HIVEP3: variants seen among roughly 807,000 people sequenced by gnomAD.
The protein encoded by HIVEP3 is HIVEP zinc finger 3, also known as transcription factor HIVEP3.
A neutral mutation model predicts 152.8 loss-of-function variants in HIVEP3; 49 were observed. The observed-to-expected ratio is 0.32, with a 90% CI of 0.26 to 0.41. The LOEUF is 0.41. Among genes scored for constraint, HIVEP3 ranks in the 10% least tolerant of loss-of-function variants. The pLI is 1.00. For synonymous variants in HIVEP3, 1,269 were observed against 1,289.0 expected (o/e 0.98, Z 0.33); for missense variants, 2,790 against 3,103.3 (o/e 0.90, Z 2.40).
In HIVEP3 at chr1:41,965,367, T is replaced by A. The variant is rs957081169; in HGVS notation, n.120-46843A>T. Among the ~76,000 whole-genome samples, 18 of 152,114 alleles carry A rather than the reference T, an allele frequency of 1.2e-4. No individual in the cohort carries two copies. The East Asian group carries it at 3.5e-3, about 29-fold the overall frequency. On this transcript the variant is annotated intron_variant and non_coding_transcript_variant, in intron 1 of 3. Coordinates refer to the HIVEP3 transcript ENST00000489103. ...CTCTTCTCCAAATGACTGCAATACCTCTCCAGCTGAGATGGATGAACTGAC... is the reference window on the plus strand; with the variant it reads ...CTCTTCTCCAAATGACTGCAATACCACTCCAGCTGAGATGGATGAACTGAC...
intron 1 of HIVEP3, among the ~76,000 whole-genome samples, chr1:41,793,000 G>A (rs1222562325): frequency 1.3e-5 from 2 of 152,154 alleles, no homozygotes; most frequent in African/African-American, 4.8e-5. Flanking sequence ...CAATGTGAAT[G>A]GCCACCATAT....
chr1:41,859,587 T>C (rs771823615), intron 1 of HIVEP3, among the ~76,000 whole-genome samples: 3 of 152,226 alleles, frequency 2.0e-5, no homozygotes, highest in South Asian at 4.1e-4. Context: ...AGCATCTCTC[T>C]GAAGTTACCA....
intron 1 of HIVEP3, among the ~76,000 whole-genome samples, chr1:41,757,963 C>T (rs1558243580): frequency 6.6e-6 from 1 of 152,176 alleles, no homozygotes; most frequent in Non-Finnish European, 1.5e-5. Context: ...CCACCTGCCT[C>T]GGCCTCCCAA....
intron 1 of HIVEP3, among the ~76,000 whole-genome samples, chr1:41,751,652 A>G (rs1008982273): frequency 1.3e-5 from 2 of 152,128 alleles, no homozygotes; most frequent in African/African-American, 4.8e-5. Flanking sequence ...TCACCCAGCC[A>G]AAGTGTGACC....
intron 1 of HIVEP3, among the ~76,000 whole-genome samples, chr1:41,984,269 G>A (rs1421978809): frequency 6.6e-6 from 1 of 152,160 alleles, no homozygotes; most frequent in African/African-American, 2.4e-5. Context: ...ACTGCACTGG[G>A]CCCATACTAT....
chr1:41,720,251 G>A (rs1382228281), intron 1 of HIVEP3, among the ~76,000 whole-genome samples: 1 of 152,200 alleles, frequency 6.6e-6, no homozygotes, highest in African/African-American at 2.4e-5. Context: ...GGCCTCCAGG[G>A]CTGCTCCCAG....
chr1:41,895,831 A>G (rs1486780291), intron 1 of HIVEP3, among the ~76,000 whole-genome samples: 1 of 152,234 alleles, frequency 6.6e-6, no homozygotes, highest in Admixed American at 6.5e-5. Flanking sequence ...AACACGGCCT[A>G]TAGAAAACTG....
At chr1:42,012,389 G>A (rs1009318277) in intron 1 of HIVEP3, among the ~76,000 whole-genome samples, 14 of 151,358 alleles carry the variant, frequency 9.2e-5, no homozygotes, top group Admixed American at 6.6e-5. Flanking sequence ...GTTTAGATGC[G>A]TCATGATGGT....
At chr1:42,011,088 GTT>G (rs1452459518) in intron 1 of HIVEP3, among the ~76,000 whole-genome samples, 1 of 152,158 alleles carries the variant, frequency 6.6e-6, no homozygotes, top group Non-Finnish European at 1.5e-5. Context: ...ACTGCCTGCT[GTT>G]TTCAGAGTTG....
intron 1 of HIVEP3, among the ~76,000 whole-genome samples, chr1:41,885,274 C>A (rs910936977): frequency 3.3e-5 from 5 of 152,190 alleles, no homozygotes; most frequent in Non-Finnish European, 5.9e-5. Flanking sequence ...TGCTCTCCAG[C>A]CCCATTTCTT....
Position 41,512,871 on chromosome 1 carries a change from G to T in HIVEP3, c.6350C>A (p.Ala2117Glu), listed in dbSNP as rs375725897. The change falls in exon 8 of 9, where the codon GCG becomes GAG. Residue 2117 changes from alanine to glutamate, a missense_variant. By Grantham distance (107) the Ala-to-Glu change is moderately radical. Around this residue, in one of 9 missense-constraint regions of HIVEP3, gnomAD observed 816 missense variants for 806.5 expected, o/e 1.01. Coordinates refer to ENST00000372583, the MANE Select transcript of HIVEP3 (RefSeq NM_024503.5). ...GLDPRVLFPP[A>E]PLPHKLLSRS... ...GCTGAGGAGCTTGTGAGGTAGAGGC[G>T]CGGGCGGGAAGAGAACCCGTGGGTC... is the stretch of plus-strand genomic sequence containing the variant. The T allele has an allele frequency of 2.6e-5, 40 of 1,552,982 alleles. No homozygotes were observed. Among genetic ancestry groups the T allele is most frequent in the Non-Finnish European group, 3.1e-5 (35 of 1,145,406 alleles).
intron 3 of HIVEP3, among the ~76,000 whole-genome samples, chr1:41,623,094 A>C (rs77622655): frequency 0.029 from 4,351 of 152,270 alleles, 236 homozygotes; most frequent in African/African-American, 0.1. Context: ...GCCAAGCTCC[A>C]GGGCTTCAGT....
intron 1 of HIVEP3, among the ~76,000 whole-genome samples, chr1:41,705,607 G>A (rs1334278460): frequency 6.6e-6 from 1 of 152,236 alleles, no homozygotes; most frequent in African/African-American, 2.4e-5. Flanking sequence ...GGTGCTGGAA[G>A]CAAATGTTTT....
chr1:41,920,577 G>GTTTT (rs10708045), upstream of HIVEP3, among the ~76,000 whole-genome samples: 9 of 123,178 alleles, frequency 7.3e-5, no homozygotes, highest in Non-Finnish European at 9.8e-5. Context: ...AAACAAGATG[G>GTTTT]TTTTTTTTTT....
chr1:41,628,866 A>G lies in HIVEP3; in HGVS notation c.-639T>C, dbSNP rs1039351426. 1.8e-5 allele frequency: 22 copies of G among 1,232,078 alleles called. No homozygotes were observed. The highest frequency in any genetic ancestry group is 2.2e-5 in the Non-Finnish European group (22 of 987,952). 76.3% of individuals were successfully genotyped at this position (1,232,078 alleles called of 1,614,324 possible). A position where few individuals can be genotyped will look rare whatever the true frequency, so the allele number is the denominator to read the frequency against. On this transcript the variant is annotated 5_prime_UTR_variant, in exon 3 of 9. Coordinates refer to ENST00000372583, the MANE Select transcript of HIVEP3 (RefSeq NM_024503.5). ...CCACCTAGGCGCCGCTCTTCCCACC[A>G]GAGGGGCGGGCTTGCTTGGCCAGGA...
At chr1:41,551,556 G>C (rs1643894184) in intron 5 of HIVEP3, among the ~76,000 whole-genome samples, 1 of 152,118 alleles carries the variant, frequency 6.6e-6, no homozygotes, top group Non-Finnish European at 1.5e-5. Context: ...CAATTTCAGA[G>C]CCTGTTATTG....
chr1:41,732,140 G>C (rs1273780696), intron 1 of HIVEP3, among the ~76,000 whole-genome samples: 1 of 152,152 alleles, frequency 6.6e-6, no homozygotes, highest in Non-Finnish European at 1.5e-5. Flanking sequence ...AGACTATGTG[G>C]GGAAGATGAG....
At chr1:41,792,938 A>G (rs950917175) in intron 1 of HIVEP3, among the ~76,000 whole-genome samples, 3 of 152,178 alleles carry the variant, frequency 2.0e-5, no homozygotes, top group African/African-American at 7.2e-5. Context: ...GGGCAATGGG[A>G]TGAATAGTGG....
At position 41,969,433 on chromosome 1, in the gene HIVEP3, A is replaced by C. The variant is rs544830634; in HGVS notation, n.120-50909T>G. Among the ~76,000 whole-genome samples, 79 of 152,330 alleles carry C rather than the reference A, an allele frequency of 5.2e-4. 1 individual carries two copies. The highest frequency in any genetic ancestry group is 1.8e-3 in the African/African-American group (74 of 41,574). On this transcript the variant is annotated intron_variant and non_coding_transcript_variant, in intron 1 of 3. Coordinates refer to the HIVEP3 transcript ENST00000489103. ...ACCTACAACCATCTGATCTTTGACA[A>C]ACCTGACAAAAACAAGCAATGGGGA...
Sources: allele counts gnomAD v4.1 joint callset (sites outside exome capture counted in the v4.1 genomes callset), GRCh38; gene constraint gnomAD v4.1.1; regional missense constraint gnomAD v4.1.1; transcripts MANE v1.5; gene names NCBI Gene and HGNC (gene_info 2026-07-23, HGNC 2026-07-21).